Variants in COL5A2 observed in about 807,000 individuals in gnomAD.
The protein encoded by COL5A2 is collagen alpha-2(V) chain.
A neutral mutation model predicts 208.2 loss-of-function variants in COL5A2; 23 were observed. That is an observed-to-expected ratio of 0.11 (90% CI 0.08 to 0.16). The LOEUF is 0.16. Among genes scored for constraint, COL5A2 ranks in the 10% least tolerant of loss-of-function variants. COL5A2 has a pLI of 1.00. For synonymous variants in COL5A2, 625 were observed against 628.5 expected (o/e 0.99, Z 0.08); for missense variants, 1,590 against 1,956.4 (o/e 0.81, Z 3.53).
At chr2:189,230,618 C>A in the COL5A2 span, among the ~76,000 whole-genome samples, 2 of 151,736 alleles carry the variant, frequency 1.3e-5, no homozygotes, top group African/African-American at 4.8e-5. Flanking sequence ...AAATGCAAAT[C>A]AAAGCAAAAA....
chr2:189,254,558 G>GTA, the COL5A2 span, among the ~76,000 whole-genome samples: 1 of 152,166 alleles, frequency 6.6e-6, no homozygotes, highest in Non-Finnish European at 1.5e-5. Flanking sequence ...CTGAGCATGC[G>GTA]CAGAGCAGAG....
intron 8 of COL5A2, among the ~76,000 whole-genome samples, chr2:189,087,564 C>T (rs965947360): frequency 4.6e-5 from 7 of 151,482 alleles, no homozygotes; most frequent in South Asian, 2.1e-4. Context: ...CCCGGGTTCA[C>T]GCCTCAGCCT....
intron 1 of COL5A2, among the ~76,000 whole-genome samples, chr2:189,157,118 A>ATAGATC (rs1688262633): frequency 5.9e-5 from 1 of 16,922 alleles, no homozygotes; most frequent in African/African-American, 7.9e-5. Context: ...AGATATATCG[A>ATAGATC]TATATCTATC....
chr2:189,090,416 CA>C (rs1686759323), intron 7 of COL5A2, among the ~76,000 whole-genome samples: 1 of 152,182 alleles, frequency 6.6e-6, no homozygotes, highest in Non-Finnish European at 1.5e-5. Flanking sequence ...AGTGAAGCAG[CA>C]AATGCTGATG....
rs1686733657 is a variant in COL5A2, at chr2:189,089,394, T to C, written c.568-622A>G. On this transcript the variant is annotated intron_variant, in intron 7 of 53. Transcript: ENST00000374866. Reference sequence around the variant, plus strand: ...TGACCAAAATTGTTCATATACATTTTAGTAGTCACATTAGTTTCCAAATTT... The same window carrying C: ...TGACCAAAATTGTTCATATACATTTCAGTAGTCACATTAGTTTCCAAATTT... 2.0e-5 allele frequency among the ~76,000 whole-genome samples: 3 copies of C among 152,370 alleles called. No individual in the cohort carries two copies. In the South Asian group the frequency reaches 6.2e-4, roughly 32 times the overall value.
intron 1 of COL5A2, among the ~76,000 whole-genome samples, chr2:189,135,538 A>G (rs1447050300): frequency 6.6e-6 from 1 of 152,216 alleles, no homozygotes; most frequent in African/African-American, 2.4e-5. Context: ...AACAAAAGAT[A>G]ATACTCCACA....
chr2:189,068,671 C>A (rs1041073125), intron 19 of COL5A2, 115 bp downstream of exon 19: 1 of 753,900 alleles, frequency 1.3e-6, no homozygotes, highest in South Asian at 1.5e-5. Flanking sequence ...TTACAGGTAC[C>A]CCCTAAATAT....
At chr2:189,059,367 G>A (rs980591273) in intron 31 of COL5A2, among the ~76,000 whole-genome samples, 3 of 151,932 alleles carry the variant, frequency 2.0e-5, no homozygotes, top group African/African-American at 7.3e-5. Context: ...ACTAGGTATT[G>A]TGCATTCAAA....
intron 1 of COL5A2, among the ~76,000 whole-genome samples, chr2:189,185,984 T>C (rs1688846522): frequency 2.0e-5 from 3 of 152,054 alleles, no homozygotes; most frequent in African/African-American, 4.8e-5. Flanking sequence ...TCTGTGCACA[T>C]ATATGCTTTG....
chr2:189,066,626 G>T, intron 22 of COL5A2, 103 bp downstream of exon 22: 1 of 1,332,790 alleles, frequency 7.5e-7, no homozygotes, highest in Non-Finnish European at 1.1e-6. Flanking sequence ...TTCATCTCAA[G>T]CTATTATAAT....
At chr2:189,407,646 G>A in the COL5A2 span, among the ~76,000 whole-genome samples, 4 of 152,086 alleles carry the variant, frequency 2.6e-5, no homozygotes, top group African/African-American at 7.2e-5. Flanking sequence ...TCAAGAGGCT[G>A]ATTCCATCTC....
At chr2:189,297,503 T>C in the COL5A2 span, among the ~76,000 whole-genome samples, 2 of 152,212 alleles carry the variant, frequency 1.3e-5, no homozygotes, top group African/African-American at 4.8e-5. Context: ...TTAATTTTTT[T>C]AATTTAAAAA....
At chr2:189,114,609 C>G (rs1436516024) in intron 1 of COL5A2, among the ~76,000 whole-genome samples, 1 of 141,512 alleles carries the variant, frequency 7.1e-6, no homozygotes, top group South Asian at 2.2e-4. Flanking sequence ...ACGTCCAAAG[C>G]TTAGATTCAA....
the COL5A2 span, among the ~76,000 whole-genome samples, chr2:189,389,218 A>C: frequency 6.6e-6 from 1 of 152,252 alleles, no homozygotes; most frequent in South Asian, 2.1e-4. Context: ...TCTTACAGAA[A>C]ATTTTATGTT....
intron 44 of COL5A2, among the ~76,000 whole-genome samples, chr2:189,049,093 A>C (rs1159534642): frequency 6.6e-6 from 1 of 152,156 alleles, no homozygotes; most frequent in Non-Finnish European, 1.5e-5. Context: ...ACAGTTTGGC[A>C]ACAGCTTAAA....
the COL5A2 span, among the ~76,000 whole-genome samples, chr2:189,372,199 A>G: frequency 6.6e-6 from 1 of 152,216 alleles, no homozygotes; most frequent in Non-Finnish European, 1.5e-5. Flanking sequence ...CAGAAATGGT[A>G]TCAGAATTAA....
In COL5A2 at chr2:189,056,913, C is replaced by T; in HGVS notation, c.2391+60G>A. ...CTTTATTTTGGAAGGTTCAGGGAAACTCATATGATACTGTAATGTTGGTTC... is the reference window on the plus strand; with the variant it reads ...CTTTATTTTGGAAGGTTCAGGGAAATTCATATGATACTGTAATGTTGGTTC... On this transcript the variant is annotated intron_variant, in intron 35 of 53. Coordinates refer to ENST00000374866, the MANE Select transcript of COL5A2 (RefSeq NM_000393.5). 7 of 1,516,090 alleles carry T rather than the reference C, an allele frequency of 4.6e-6. No individual in the cohort carries two copies. In the South Asian group the frequency reaches 7.8e-5, roughly 17 times the overall value. 93.9% of individuals were successfully genotyped at this position (1,516,090 alleles called of 1,614,324 possible).
intron 51 of COL5A2, among the ~76,000 whole-genome samples, chr2:189,038,395 T>C (rs1190984382): frequency 6.6e-6 from 1 of 152,204 alleles, no homozygotes; most frequent in Admixed American, 6.5e-5. Context: ...TGTTCCATCA[T>C]ATATATGTAC....
At chr2:189,343,555 C>G in the COL5A2 span, among the ~76,000 whole-genome samples, 23 of 152,178 alleles carry the variant, frequency 1.5e-4, no homozygotes, top group African/African-American at 5.5e-4. Context: ...AAAAGTTCAC[C>G]TACAAGCATT....
Sources: allele counts gnomAD v4.1 joint callset (sites outside exome capture counted in the v4.1 genomes callset), GRCh38; gene constraint gnomAD v4.1.1; transcripts MANE v1.5; gene names NCBI Gene and HGNC (gene_info 2026-07-23, HGNC 2026-07-21).